Variants in MASP1 observed in about 807,000 individuals in gnomAD.
The protein encoded by MASP1 is MBL associated serine protease 1.
In MASP1, 59 loss-of-function variants were observed where a neutral mutation model predicts 77.1. The ratio of observed to expected loss-of-function variants is 0.77; its 90% confidence interval spans 0.62 to 0.95. The LOEUF is 0.95. MASP1 is among the 40% of genes least tolerant of loss of function. The pLI is 0.00. For missense variants in MASP1, 885 were observed against 912.9 expected (o/e 0.97, Z 0.39); for synonymous variants, 362 against 354.5 (o/e 1.02, Z -0.24).
chr3:187,225,459 T>C, exon 13 of MASP1: 2 of 1,614,194 alleles, frequency 1.2e-6, no homozygotes, highest in Non-Finnish European at 1.7e-6. Flanking sequence ...GTGGTGTGTT[T>C]GACGCCGAGA....
intron 2 of MASP1, among the ~76,000 whole-genome samples, chr3:187,278,703 T>G (rs1050391318): frequency 3.3e-5 from 5 of 152,188 alleles, no homozygotes; most frequent in African/African-American, 9.6e-5. Flanking sequence ...TGATTCCTCC[T>G]TTTTCCTCTC....
downstream of MASP1, among the ~76,000 whole-genome samples, chr3:187,230,074 T>C (rs1712677708): frequency 6.6e-6 from 1 of 152,240 alleles, no homozygotes; most frequent in Non-Finnish European, 1.5e-5. Flanking sequence ...ACTTTCCTTA[T>C]TCTTAGTCTA....
chr3:187,255,705 A>G (rs911433471), intron 5 of MASP1, among the ~76,000 whole-genome samples: 1 of 152,146 alleles, frequency 6.6e-6, no homozygotes, highest in Non-Finnish European at 1.5e-5. Flanking sequence ...GTGTCCTCTC[A>G]GGCTTTTCTG....
intron 9 of MASP1, 172 bp downstream of exon 9, chr3:187,243,312 A>G (rs1713808619): frequency 2.8e-6 from 2 of 722,658 alleles, no homozygotes. Flanking sequence ...ACACAGTAAC[A>G]CAAGCTCATG....
intron 9 of MASP1, 93 bp from the exon 10 acceptor site, chr3:187,241,648 G>C (rs527376337): frequency 2.3e-6 from 2 of 873,978 alleles, no homozygotes; most frequent in Non-Finnish European, 2.0e-6. Context: ...TCTCTAAAGT[G>C]AGTTATTACA....
chr3:187,288,954 CT>C (rs2108616783), intron 1 of MASP1, among the ~76,000 whole-genome samples: 1 of 152,266 alleles, frequency 6.6e-6, no homozygotes, highest in Non-Finnish European at 1.5e-5. Context: ...ATGTAATGGG[CT>C]TGAGCATATG....
At chr3:187,229,642 A>T, downstream of MASP1, 1 of 1,349,912 alleles carries the variant, frequency 7.4e-7, no homozygotes, top group South Asian at 1.3e-5. Context: ...TTTCTACCGC[A>T]CTGTGCTTCT....
chr3:187,239,290 T>C (rs537094370), intron 10 of MASP1, among the ~76,000 whole-genome samples: 2 of 151,916 alleles, frequency 1.3e-5, no homozygotes, highest in Admixed American at 6.5e-5. Context: ...GAGGCAGAGA[T>C]TGCAGTGAGC....
intron 8 of MASP1, chr3:187,244,202 A>G (rs573438375): frequency 6.2e-6 from 1 of 161,532 alleles, no homozygotes; most frequent in Non-Finnish European, 1.4e-5. Context: ...AGAAGCCAGG[A>G]GGCAGGGTTG....
At chr3:187,222,998 C>T (rs908414528) in intron 14 of MASP1, 27 of 777,956 alleles carry the variant, frequency 3.5e-5, no homozygotes, top group Non-Finnish European at 2.3e-6. Context: ...GGAGGTGGGT[C>T]TGGGCTCCTA....
intron 2 of MASP1, among the ~76,000 whole-genome samples, chr3:187,274,866 A>G (rs1716830999): frequency 6.6e-6 from 1 of 151,380 alleles, no homozygotes; most frequent in African/African-American, 2.4e-5. Flanking sequence ...GGGAGAAGAA[A>G]GAGCTGGCAG....
At chr3:187,273,601 G>T (rs538415033) in intron 2 of MASP1, among the ~76,000 whole-genome samples, 1 of 152,320 alleles carries the variant, frequency 6.6e-6, no homozygotes, top group East Asian at 1.9e-4. Context: ...TTCACGGAAA[G>T]TCCATCACTC....
At chr3:187,244,435 T>A (rs143087842) in intron 8 of MASP1, 1,964 of 152,364 alleles carry the variant, frequency 0.013, 33 homozygotes, top group Middle Eastern at 0.027. Context: ...CATGGCCATA[T>A]CAGAGGCTCT....
chr3:187,284,568 T>A (rs1456906804), intron 2 of MASP1, among the ~76,000 whole-genome samples: 1 of 152,188 alleles, frequency 6.6e-6, no homozygotes, highest in Non-Finnish European at 1.5e-5. Flanking sequence ...ACCCAACATA[T>A]ACAATGACAA....
At chr3:187,220,995 G>T in intron 15 of MASP1, 1 of 1,545,244 alleles carries the variant, frequency 6.5e-7, no homozygotes, top group Non-Finnish European at 8.9e-7. Flanking sequence ...CCACTCCCTG[G>T]CTGGCAGCGC....
intron 15 of MASP1, among the ~76,000 whole-genome samples, chr3:187,220,549 G>A (rs1455096914): frequency 7.9e-5 from 11 of 138,736 alleles, no homozygotes; most frequent in Non-Finnish European, 1.5e-4. Flanking sequence ...CCAGGCTAGA[G>A]TGCAGTGGCA....
At position 187,291,705 on chromosome 3, in the gene MASP1, G is replaced by T; in HGVS notation, c.-73C>A. On this transcript the variant is annotated 5_prime_UTR_variant, in exon 1 of 11. Transcript: ENST00000296280. Reference sequence around the variant, plus strand: ...TTGACTTGCCTGTGAGCTCGTGCCCGGTGTGGTGTCCGTGATGCCTTATCT... The same window carrying T: ...TTGACTTGCCTGTGAGCTCGTGCCCTGTGTGGTGTCCGTGATGCCTTATCT... 6.3e-7 allele frequency: 1 copy of T among 1,584,448 alleles called. No individual in the cohort carries two copies. Among genetic ancestry groups the T allele is most frequent in the Non-Finnish European group, 8.7e-7 (1 of 1,153,118 alleles).
At chr3:187,270,211 A>G (rs963322010) in intron 2 of MASP1, among the ~76,000 whole-genome samples, 1 of 152,236 alleles carries the variant, frequency 6.6e-6, no homozygotes, top group African/African-American at 2.4e-5. Flanking sequence ...AGCTATTAAC[A>G]AAGATTCTTT....
At chr3:187,285,747 G>A in intron 2 of MASP1, 78 bp downstream of exon 2, 2 of 1,146,812 alleles carry the variant, frequency 1.7e-6, no homozygotes, top group Non-Finnish European at 1.3e-6. Context: ...TGCCACCCTG[G>A]AAGGGTCTAA....
Sources: allele counts gnomAD v4.1 joint callset (sites outside exome capture counted in the v4.1 genomes callset), GRCh38; gene constraint gnomAD v4.1.1; transcripts MANE v1.5; gene names NCBI Gene and HGNC (gene_info 2026-07-23, HGNC 2026-07-21).